ADGRG7: variants seen among roughly 807,000 people sequenced by gnomAD.
ADGRG7 encodes the protein adhesion G protein-coupled receptor G7.
Under a neutral mutation model 88.6 loss-of-function variants are expected in ADGRG7, and 82 were observed. That is an observed-to-expected ratio of 0.93 (90% CI 0.77 to 1.11). The LOEUF is 1.11. ADGRG7 is among the 50% of genes most tolerant of loss of function. The pLI, the probability that ADGRG7 is intolerant of heterozygous loss-of-function variation, is 0.00. For missense variants in ADGRG7, 945 were observed against 953.4 expected (o/e 0.99, Z 0.12); for synonymous variants, 381 against 345.2 (o/e 1.10, Z -1.15).
chr3:100,655,699 T>G (rs1395154618), intron 12 of ADGRG7, among the ~76,000 whole-genome samples, 200 bp from the exon 13 acceptor site: 1 of 152,190 alleles, frequency 6.6e-6, no homozygotes, highest in Non-Finnish European at 1.5e-5. Flanking sequence ...TGTAGAGCCA[T>G]CAGTGAAAGG....
chr3:100,690,125 C>G (rs1350460406), intron 15 of ADGRG7, among the ~76,000 whole-genome samples: 1 of 152,184 alleles, frequency 6.6e-6, no homozygotes, highest in African/African-American at 2.4e-5. Flanking sequence ...TCATTCATTT[C>G]ATCTTCCATC....
intron 15 of ADGRG7, among the ~76,000 whole-genome samples, chr3:100,684,370 C>T (rs1289312354): frequency 6.6e-6 from 1 of 151,756 alleles, no homozygotes; most frequent in Non-Finnish European, 1.5e-5. Flanking sequence ...CTCAATTGAT[C>T]CCCCCACCTC....
At chr3:100,645,594 ATGT>A (rs1053704164) in intron 8 of ADGRG7, among the ~76,000 whole-genome samples, 1 of 152,164 alleles carries the variant, frequency 6.6e-6, no homozygotes, top group Admixed American at 6.5e-5. Context: ...AGCTACCCAC[ATGT>A]TGTGTTCACT....
At chr3:100,615,668 C>T (rs1381380991) in intron 1 of ADGRG7, among the ~76,000 whole-genome samples, 1 of 152,178 alleles carries the variant, frequency 6.6e-6, no homozygotes, top group African/African-American at 2.4e-5. Context: ...ATGGATGGAC[C>T]TCCTTCTTGT....
chr3:100,661,421 A>C (rs2094945155), intron 14 of ADGRG7, among the ~76,000 whole-genome samples: 1 of 152,214 alleles, frequency 6.6e-6, no homozygotes, highest in African/African-American at 2.4e-5. Context: ...TTTTAATGTT[A>C]ACATTTTATT....
chr3:100,645,003 A>G (rs964546122), intron 8 of ADGRG7, among the ~76,000 whole-genome samples: 1 of 152,336 alleles, frequency 6.6e-6, no homozygotes, highest in East Asian at 1.9e-4. Context: ...GCCACAGAGG[A>G]GGACAATTTG....
At chr3:100,643,461 T>G (rs1707680593) in intron 7 of ADGRG7, 56 bp downstream of exon 7, 1 of 1,609,052 alleles carries the variant, frequency 6.2e-7, no homozygotes, top group Non-Finnish European at 8.5e-7. Flanking sequence ...CTACTGATGA[T>G]GAATAATAAT....
intron 10 of ADGRG7, among the ~76,000 whole-genome samples, chr3:100,648,085 T>C (rs1366299079): frequency 6.6e-6 from 1 of 152,200 alleles, no homozygotes; most frequent in Non-Finnish European, 1.5e-5. Context: ...AAAATTTAAC[T>C]TTTTGATATC....
In ADGRG7 at chr3:100,657,238, C is replaced by G. The variant is rs141001030; in HGVS notation, c.1823+1243C>G. ...CTGCCTCCTCCTGAACTTTCTCCCC[C>G]ACCTTCCACCCTACACACATGCCAT... On this transcript the variant is annotated intron_variant, in intron 13 of 15. Transcript: ENST00000273352. 6.2e-4 allele frequency among the ~76,000 whole-genome samples: 94 copies of G among 152,270 alleles called. 4 individuals are homozygous for G. In the East Asian group the frequency reaches 0.011, roughly 18 times the overall value.
At chr3:100,659,975 A>AT in intron 14 of ADGRG7, 132 bp downstream of exon 14, 2 of 776,538 alleles carry the variant, frequency 2.6e-6, no homozygotes, top group Non-Finnish European at 4.0e-6. Flanking sequence ...TACAGGAGAG[A>AT]TTTTTCTCTT....
chr3:100,627,855 T>C (rs1559672247), intron 1 of ADGRG7, among the ~76,000 whole-genome samples: 1 of 152,168 alleles, frequency 6.6e-6, no homozygotes, highest in Non-Finnish European at 1.5e-5. Context: ...ACATGATTTC[T>C]TCTGATATTT....
chr3:100,678,462 C>T (rs547548524), intron 15 of ADGRG7, among the ~76,000 whole-genome samples: 57 of 151,904 alleles, frequency 3.8e-4, no homozygotes, highest in African/African-American at 1.2e-3. Context: ...TTTATTTTGG[C>T]GAGGCCATAT....
At chr3:100,665,014 C>T (rs2460715) in intron 14 of ADGRG7, 421,617 of 445,484 alleles carry the variant, frequency 0.95, 201,905 homozygotes, top group Non-Finnish European at 1. Context: ...TATGGTAGGG[C>T]AATACATAAA....
chr3:100,674,424 A>G (rs528315726), intron 15 of ADGRG7, among the ~76,000 whole-genome samples: 1 of 152,312 alleles, frequency 6.6e-6, no homozygotes, highest in African/African-American at 2.4e-5. Flanking sequence ...ATCCATGAAC[A>G]TGGAATCTCT....
intron 14 of ADGRG7, among the ~76,000 whole-genome samples, chr3:100,666,111 G>A (rs2094951365): frequency 6.6e-6 from 1 of 151,688 alleles, no homozygotes; most frequent in South Asian, 2.1e-4. Flanking sequence ...GAGTGCAGTG[G>A]CGTGATCTCG....
At chr3:100,632,008 A>G (rs765021268) in intron 3 of ADGRG7, among the ~76,000 whole-genome samples, 12 of 152,140 alleles carry the variant, frequency 7.9e-5, no homozygotes, top group Admixed American at 2.0e-4. Context: ...TTGACACTAT[A>G]TATACTATAT....
At chr3:100,672,555 C>A (rs959285797) in intron 15 of ADGRG7, among the ~76,000 whole-genome samples, 19 of 152,148 alleles carry the variant, frequency 1.2e-4, no homozygotes, top group African/African-American at 4.6e-4. Flanking sequence ...ATTTCTTTCT[C>A]TTGCCTGATT....
rs185043107 is a variant in ADGRG7 at position 100,644,728 on chromosome 3, G to A, written c.946+1095G>A. Among the ~76,000 whole-genome samples, 6 of 151,614 alleles carry A rather than the reference G, an allele frequency of 4.0e-5. No individual in the cohort carries two copies. In the East Asian group the frequency reaches 1.2e-3, roughly 29 times the overall value. On this transcript the variant is annotated intron_variant, in intron 8 of 15. Coordinates refer to ENST00000273352, the MANE Select transcript of ADGRG7 (RefSeq NM_032787.3). ...ATTTTTTTTGTAGAGACAGAATCTC[G>A]CTATATTGCTCAGCCTGGTCTCAAA...
chr3:100,643,565 A>C lies in ADGRG7; in HGVS notation c.878A>C (p.His293Pro). ...CTAGTTTCTAGTTCAACATTTATAC[A>C]TACAAATGTGGATGGCCTTAACCCA... is the stretch of plus-strand genomic sequence containing the variant. ...SSLVSSSTFI[H>P]TNVDGLNPDA... The change falls in exon 8 of 16, where the codon CAT becomes CCT. Residue 293 changes from histidine (H) to proline (P), a missense_variant. Physicochemically the swap from His to Pro is moderately conservative, Grantham distance 77. Transcript: ENST00000273352. 1 of 1,613,762 alleles carries C rather than the reference A, an allele frequency of 6.2e-7. No individual in the cohort carries two copies. The highest frequency in any genetic ancestry group is 2.2e-5 in the East Asian group (1 of 44,872).
Sources: gnomAD v4.1 joint callset for allele counts (sites outside exome capture counted in the v4.1 genomes callset) on GRCh38, gnomAD v4.1.1 for gene constraint, MANE v1.5 for transcripts, NCBI Gene and HGNC (gene_info 2026-07-23, HGNC 2026-07-21) for gene names.